The following STARD4 variants were observed in gnomAD, a reference collection of about 807,000 sequenced individuals.
STARD4 encodes the protein stAR-related lipid transfer protein 4.
STARD4 carries 33 observed loss-of-function variants against 24.9 expected under a neutral mutation model. The observed-to-expected ratio is 1.32, with a 90% confidence interval of 1.00 to 1.77. STARD4 has a LOEUF of 1.77. Ranked by LOEUF, STARD4 falls within the 40% of genes most tolerant of loss-of-function variation. STARD4 has a pLI of 0.00. For missense variants in STARD4, 238 were observed against 249.3 expected (o/e 0.95, Z 0.31); for synonymous variants, 88 against 77.4 (o/e 1.14, Z -0.72).
intron 1 of STARD4, among the ~76,000 whole-genome samples, chr5:111,509,019 A>C (rs1280968622): frequency 6.6e-6 from 1 of 152,084 alleles, no homozygotes; most frequent in South Asian, 2.1e-4. Context: ...ATAAGTATAG[A>C]TCCAATCCAC....
rs765546228 is a variant in STARD4 at position 111,500,889 on chromosome 5, T to C, written c.397+113A>G. On this transcript the variant is annotated intron_variant, in intron 5 of 5. Transcript: ENST00000296632. ...GTTTAGCACTTGCAAAAAATGTTAG[T>C]GATTACAGAGTCAGAGTTGAAAATA... is the stretch of plus-strand genomic sequence containing the variant. 1.0e-5 allele frequency: 16 copies of C among 1,594,106 alleles called. No homozygotes were observed. The African/African-American group carries it at 2.0e-4, about 20-fold the overall frequency.
chr5:111,510,956 C>G (rs984930740), intron 1 of STARD4, among the ~76,000 whole-genome samples: 1 of 152,224 alleles, frequency 6.6e-6, no homozygotes, highest in Non-Finnish European at 1.5e-5. Flanking sequence ...TCAGAACGGT[C>G]TAACCTTGCA....
At chr5:111,510,309 C>G (rs1341517300) in intron 1 of STARD4, among the ~76,000 whole-genome samples, 1 of 152,162 alleles carries the variant, frequency 6.6e-6, no homozygotes, top group African/African-American at 2.4e-5. Flanking sequence ...GGTCTTGGCT[C>G]TCTCTCCTAA....
chr5:111,500,774 C>T, intron 5 of STARD4: 2 of 1,436,414 alleles, frequency 1.4e-6, no homozygotes, highest in South Asian at 1.6e-5. Flanking sequence ...CATTTGCTAC[C>T]TCTGACCTAG....
chr5:111,509,859 T>C (rs1661546358), intron 1 of STARD4, among the ~76,000 whole-genome samples: 1 of 152,160 alleles, frequency 6.6e-6, no homozygotes, highest in Admixed American at 6.5e-5. Context: ...TGAAACACCA[T>C]TTCTCAAGAA....
At chr5:111,506,306 G>T in intron 3 of STARD4, 24 bp downstream of exon 3, 1 of 1,370,018 alleles carries the variant, frequency 7.3e-7, no homozygotes. Flanking sequence ...TAAGAGCTGT[G>T]TAAGTCTATA....
At chr5:111,502,123 A>G in intron 3 of STARD4, 35 bp from the exon 4 acceptor site, 3 of 1,599,234 alleles carry the variant, frequency 1.9e-6, no homozygotes, top group South Asian at 1.1e-5. Context: ...CCGCTGTTAC[A>G]ATAAAAAAAT....
rs1756406754 is a variant in STARD4 at position 111,501,039 on chromosome 5, G to A, written c.360C>T (p.Ser120=). The A allele has an allele frequency of 6.2e-7, 1 of 1,613,418 alleles. No individual in the cohort carries two copies. Among genetic ancestry groups the A allele is most frequent in the African/African-American group, 1.3e-5 (1 of 74,974 alleles). The change falls in exon 5 of 6, where the codon TCC becomes TCT. Residue 120 remains serine, a synonymous_variant. Transcript: ENST00000296632. ...IISPREFVDF[S]YTVGYKEGLL... ...GCCCTTCTTTATAGCCCACAGTATA[G>A]GAGAAATCAACAAATTCTCTTGGGG...
rs988092038 is a variant in STARD4 at position 111,497,140 on chromosome 5, C to T, written c.*2746G>A. 1 of 151,972 alleles carries T rather than the reference C, an allele frequency of 6.6e-6. No homozygotes were observed. The highest frequency in any genetic ancestry group is 2.4e-5 in the African/African-American group (1 of 41,424). 9.4% of individuals were successfully genotyped at this position (151,972 alleles called of 1,614,324 possible). ...ACAAGTTTCTAATACGTACTACCTA[C>T]AAGCTACAGAATAGTCAACCATTTA... On this transcript the variant is annotated 3_prime_UTR_variant, in exon 6 of 6. Transcript: ENST00000296632.
At chr5:111,503,857 C>T (rs1756649964) in intron 3 of STARD4, among the ~76,000 whole-genome samples, 1 of 151,952 alleles carries the variant, frequency 6.6e-6, no homozygotes, top group African/African-American at 2.4e-5. Flanking sequence ...GGTAGTATAA[C>T]ACATATAAAC....
At chr5:111,506,292 G>T in intron 3 of STARD4, 38 bp downstream of exon 3, 8 of 1,165,882 alleles carry the variant, frequency 6.9e-6, no homozygotes, top group East Asian at 5.9e-5. Flanking sequence ...GTTTTGAAAT[G>T]TCTTAAGAGC....
At position 111,501,003 on chromosome 5, in the gene STARD4, A is replaced by G. The variant is rs770131799; in HGVS notation, c.396T>C (p.Cys132=). 3 of 1,613,816 alleles carry G rather than the reference A, an allele frequency of 1.9e-6. No individual in the cohort carries two copies. In the South Asian group the frequency reaches 3.3e-5, roughly 18 times the overall value. The part of the protein sequence containing the change: ...TVGYKEGLLS[C]GISLDWDEKR... ...AGCATAACATGTTGAGATTATTACC[A>G]CAAGATAAAAGCCCTTCTTTATAGC... The change falls in exon 5 of 6, where the codon TGT becomes TGC. Residue 132 remains cysteine (C), a splice_region_variant and synonymous_variant. Coordinates refer to ENST00000296632, the MANE Select transcript of STARD4 (RefSeq NM_139164.3).
In STARD4 at chr5:111,496,152, C is replaced by T. The variant is rs1345902115; in HGVS notation, c.*3734G>A. 2 of 151,776 alleles carry T rather than the reference C, an allele frequency of 1.3e-5. No homozygotes were observed. Among genetic ancestry groups the T allele is most frequent in the Non-Finnish European group, 2.9e-5 (2 of 67,924 alleles). The allele number at this position is 151,776 out of a possible 1,614,324, so 9.4% of individuals were successfully genotyped here. A position where few individuals can be genotyped will look rare whatever the true frequency, so the allele number is the denominator to read the frequency against. On this transcript the variant is annotated 3_prime_UTR_variant, in exon 6 of 6. Transcript: ENST00000296632. Reference sequence around the variant, plus strand: ...AATATTCTAGTTTTACATATTGGTTCACAAAAGAATTATATAAACTTCTTA... The same window carrying T: ...AATATTCTAGTTTTACATATTGGTTTACAAAAGAATTATATAAACTTCTTA...
At chr5:111,506,461 G>C in intron 2 of STARD4, 82 bp from the exon 3 acceptor site, 1 of 569,534 alleles carries the variant, frequency 1.8e-6, no homozygotes, top group Admixed American at 4.0e-5. Flanking sequence ...TAAGTCTATA[G>C]AATTTGTCTT....
intron 1 of STARD4, among the ~76,000 whole-genome samples, chr5:111,511,839 C>T (rs1757311000): frequency 6.6e-6 from 1 of 152,228 alleles, no homozygotes; most frequent in African/African-American, 2.4e-5. Flanking sequence ...AAAACAATGA[C>T]ACTGATTTGG....
In STARD4 at chr5:111,499,780, A is replaced by C. The variant is rs976680013; in HGVS notation, c.*106T>G. The stretch of plus-strand genomic sequence containing the variant: ...TGTACTAGTGAACCAAAAACATTTC[A>C]AATTTTTCTACCGGCTATGCAGAAA... On this transcript the variant is annotated 3_prime_UTR_variant, in exon 6 of 6. Coordinates refer to ENST00000296632, the MANE Select transcript of STARD4 (RefSeq NM_139164.3). 16 of 1,063,722 alleles carry C rather than the reference A, an allele frequency of 1.5e-5. No homozygotes were observed. The African/African-American group carries it at 2.4e-4, about 16-fold the overall frequency. The allele number at this position is 1,063,722 out of a possible 1,614,324, so 65.9% of individuals were successfully genotyped here. A position where few individuals can be genotyped will look rare whatever the true frequency, so the allele number is the denominator to read the frequency against.
intron 5 of STARD4, 48 bp from the exon 6 acceptor site, chr5:111,500,154 TA>T: frequency 6.7e-7 from 1 of 1,487,132 alleles, no homozygotes; most frequent in Non-Finnish European, 9.0e-7. Context: ...ATAACTGACA[TA>T]AAACTCTCAT....
In STARD4 at chr5:111,496,065, T is replaced by G. The variant is rs911899028; in HGVS notation, c.*3821A>C. ...AGTGTCTACAAATTTTTATTTTGTT[T>G]CATACCAATTTAAAAATAAATACAT... On this transcript the variant is annotated 3_prime_UTR_variant, in exon 6 of 6. Coordinates refer to ENST00000296632, the MANE Select transcript of STARD4 (RefSeq NM_139164.3). 9 of 152,154 alleles carry G rather than the reference T, an allele frequency of 5.9e-5. No individual in the cohort carries two copies. Among genetic ancestry groups the G allele is most frequent in the African/African-American group, 1.9e-4 (8 of 41,558 alleles). 9.4% of individuals were successfully genotyped at this position (152,154 alleles called of 1,614,324 possible).
intron 3 of STARD4, 109 bp from the exon 4 acceptor site, chr5:111,502,197 G>C: frequency 7.7e-7 from 1 of 1,292,856 alleles, no homozygotes; most frequent in Non-Finnish European, 1.0e-6. Context: ...GGCCGGGTAG[G>C]GTGGCTCATG....
Sources: gnomAD v4.1 joint callset for allele counts (sites outside exome capture counted in the v4.1 genomes callset) on GRCh38, gnomAD v4.1.1 for gene constraint, MANE v1.5 for transcripts, NCBI Gene and HGNC (gene_info 2026-07-23, HGNC 2026-07-21) for gene names.